Variants in VEPH1 observed in about 807,000 individuals in gnomAD.
VEPH1 encodes ventricular zone expressed PH domain containing 1, also known as ventricular zone-expressed PH domain-containing protein homolog 1.
A neutral mutation model predicts 85.2 loss-of-function variants in VEPH1; 80 were observed. That is an observed-to-expected ratio of 0.94 (90% CI 0.78 to 1.13). VEPH1 has a LOEUF of 1.13. Among genes scored for constraint, VEPH1 ranks in the 50% most tolerant of loss-of-function variants. VEPH1 has a pLI of 0.00. For missense variants in VEPH1, 955 were observed against 980.5 expected (o/e 0.97, Z 0.35); for synonymous variants, 297 against 348.0 (o/e 0.85, Z 1.63).
chr3:157,350,893 A>G (rs538168527), intron 9 of VEPH1, among the ~76,000 whole-genome samples: 2 of 152,376 alleles, frequency 1.3e-5, no homozygotes, highest in South Asian at 4.1e-4. Context: ...GAGGATGCAG[A>G]GAAAAGAGTA....
intron 6 of VEPH1, among the ~76,000 whole-genome samples, chr3:157,395,346 C>G (rs1326429134): frequency 1.3e-5 from 2 of 152,214 alleles, no homozygotes. Flanking sequence ...CCCCAAGGAA[C>G]AGTGCCATAT....
chr3:157,298,423 A>G (rs937037250), intron 11 of VEPH1, among the ~76,000 whole-genome samples: 2 of 152,184 alleles, frequency 1.3e-5, no homozygotes, highest in African/African-American at 4.8e-5. Context: ...TAACTTGTCA[A>G]AGATCTAGAG....
intron 4 of VEPH1, among the ~76,000 whole-genome samples, chr3:157,429,911 G>A (rs1317372559): frequency 6.6e-6 from 1 of 152,178 alleles, no homozygotes; most frequent in Non-Finnish European, 1.5e-5. Flanking sequence ...TCACTACAGA[G>A]GCCCTGGGAG....
In VEPH1 at chr3:157,438,033, GCGCGCACACA is replaced by G. The variant is rs1486508958; in HGVS notation, c.530-9555_530-9546del. On this transcript the variant is annotated intron_variant, in intron 4 of 13. Coordinates refer to ENST00000362010, the MANE Select transcript of VEPH1 (RefSeq NM_001167912.2). ...GCTTTCATGGGAAGCGCGCGCGCGC[GCGCGCACACA>G]CACACACACACACACACACACACAC... is the stretch of plus-strand genomic sequence containing the variant. The G allele has an allele frequency of 5.2e-4, 414 of 794,004 alleles. 1 individual carries two copies. The East Asian group carries it at 0.011, about 20-fold the overall frequency. 49.2% of individuals were successfully genotyped at this position (794,004 alleles called of 1,614,324 possible).
At chr3:157,363,251 T>G (rs1726253378) in intron 9 of VEPH1, 113 bp downstream of exon 9, 1 of 1,027,478 alleles carries the variant, frequency 9.7e-7, no homozygotes, top group Non-Finnish European at 1.4e-6. Context: ...AAAAAAATGA[T>G]CTATTTTGCA....
chr3:157,304,602 T>C (rs1304882283), intron 11 of VEPH1, among the ~76,000 whole-genome samples: 1 of 152,192 alleles, frequency 6.6e-6, no homozygotes, highest in Admixed American at 6.5e-5. Context: ...CATGGTGGTC[T>C]TTCTCATTTC....
intron 9 of VEPH1, among the ~76,000 whole-genome samples, chr3:157,317,497 C>T (rs2108532245): frequency 6.6e-6 from 1 of 152,300 alleles, no homozygotes; most frequent in African/African-American, 2.4e-5. Context: ...TCATTTTCAT[C>T]TGATGGGATA....
rs116364623 is a variant in VEPH1, at chr3:157,308,573, G to T, written c.2010+5048C>A. ...AATGTTTTGGAATGTCCTTTTTTTT[G>T]CCCCTCTCAAAAATTTTCAAACTAG... On this transcript the variant is annotated intron_variant, in intron 11 of 13. Transcript: ENST00000362010. Among the ~76,000 whole-genome samples the T allele has an allele frequency of 5.6e-3, 846 of 150,640 alleles. 9 individuals are homozygous for T. Among genetic ancestry groups the T allele is most frequent in the Middle Eastern group, 0.027 (8 of 294 alleles).
chr3:157,380,721 A>G (rs1050501818), intron 7 of VEPH1, among the ~76,000 whole-genome samples: 1 of 152,140 alleles, frequency 6.6e-6, no homozygotes, highest in Non-Finnish European at 1.5e-5. Context: ...CCATTCTGCT[A>G]TTCTCCCATT....
At chr3:157,269,122 A>G (rs6784920) in intron 12 of VEPH1, among the ~76,000 whole-genome samples, 5,599 of 152,306 alleles carry the variant, frequency 0.037, 356 homozygotes, top group African/African-American at 0.13. Context: ...GTAATATTTA[A>G]GTACATGGAT....
chr3:157,428,876 T>G (rs1347013945), intron 4 of VEPH1, among the ~76,000 whole-genome samples: 1 of 152,190 alleles, frequency 6.6e-6, no homozygotes, highest in Non-Finnish European at 1.5e-5. Context: ...ATCATGGACC[T>G]AAATGAAACT....
chr3:157,396,088 C>T (rs1030922939), intron 6 of VEPH1, among the ~76,000 whole-genome samples: 4 of 152,158 alleles, frequency 2.6e-5, no homozygotes, highest in African/African-American at 9.7e-5. Context: ...TCTCTCTTGC[C>T]CCATCCCCGC....
intron 6 of VEPH1, among the ~76,000 whole-genome samples, chr3:157,406,421 C>G (rs1272681798): frequency 6.6e-6 from 1 of 152,142 alleles, no homozygotes; most frequent in South Asian, 2.1e-4. Context: ...CTCTCAGCTG[C>G]CTTTGTCATT....
At chr3:157,305,071 C>CTATCTATCTATCTAT (rs1559941201) in intron 11 of VEPH1, among the ~76,000 whole-genome samples, 1 of 37,580 alleles carries the variant, frequency 2.7e-5, no homozygotes, top group Non-Finnish European at 5.1e-5. Context: ...TATCTATCTT[C>CTATCTATCTATCTAT]CTATCTCTCT....
intron 5 of VEPH1, among the ~76,000 whole-genome samples, chr3:157,419,750 G>A (rs150679614): frequency 0.038 from 5,748 of 152,168 alleles, 160 homozygotes; most frequent in South Asian, 0.12. Flanking sequence ...CAACCATTTT[G>A]GAAGATAGTG....
At chr3:157,395,851 C>T (rs1730327522) in intron 6 of VEPH1, among the ~76,000 whole-genome samples, 1 of 152,044 alleles carries the variant, frequency 6.6e-6, no homozygotes, top group South Asian at 2.1e-4. Context: ...TTTTCTGCTC[C>T]TCTCCCTCTT....
chr3:157,344,522 T>C (rs1259255763), intron 9 of VEPH1, among the ~76,000 whole-genome samples: 20 of 152,032 alleles, frequency 1.3e-4, no homozygotes, highest in African/African-American at 4.6e-4. Context: ...CTCAACGAAA[T>C]AAAAGAGGAT....
chr3:157,343,614 A>G (rs1159161724), intron 9 of VEPH1, among the ~76,000 whole-genome samples: 4 of 152,208 alleles, frequency 2.6e-5, no homozygotes, highest in Admixed American at 1.3e-4. Flanking sequence ...AGGAGCTGGT[A>G]CCATTCCTTC....
chr3:157,370,196 C>A (rs1013091000), intron 7 of VEPH1, among the ~76,000 whole-genome samples: 2 of 152,156 alleles, frequency 1.3e-5, no homozygotes, highest in Admixed American at 6.5e-5. Context: ...CTTGTGTGAA[C>A]GGGGACTTCC....
Sources: gnomAD v4.1 joint callset for allele counts (sites outside exome capture counted in the v4.1 genomes callset) on GRCh38, gnomAD v4.1.1 for gene constraint, MANE v1.5 for transcripts, NCBI Gene and HGNC (gene_info 2026-07-23, HGNC 2026-07-21) for gene names.